Variants in TG observed in about 807,000 individuals in gnomAD.
TG encodes thyroglobulin.
In TG, 270 loss-of-function variants were observed where a neutral mutation model predicts 324.7. The ratio of observed to expected loss-of-function variants is 0.83; its 90% CI spans 0.75 to 0.92. TG has a LOEUF of 0.92. Ranked by LOEUF, TG falls within the 40% of genes least tolerant of loss-of-function variation. The probability of loss-of-function intolerance (pLI) is 0.00; values close to 1 mark genes in which losing one functional copy is unlikely to be tolerated. For missense variants in TG, 3,591 were observed against 3,456.4 expected (o/e 1.04, Z -0.98); for synonymous variants, 1,401 against 1,327.0 (o/e 1.06, Z -1.21).
intron 10 of TG, among the ~76,000 whole-genome samples, chr8:132,889,990 C>G (rs1233381213): frequency 1.3e-5 from 2 of 152,068 alleles, no homozygotes; most frequent in African/African-American, 4.8e-5. Flanking sequence ...CCATGTTGGC[C>G]AGGCTGGTCT....
At chr8:133,116,150 C>T (rs764727099) in intron 44 of TG, among the ~76,000 whole-genome samples, 2 of 152,170 alleles carry the variant, frequency 1.3e-5, no homozygotes, top group Non-Finnish European at 2.9e-5. Flanking sequence ...CTGAGGGTAC[C>T]ACATGCTTGA....
intron 32 of TG, among the ~76,000 whole-genome samples, chr8:132,970,098 T>C (rs1021623940): frequency 7.9e-5 from 12 of 152,026 alleles, no homozygotes; most frequent in Non-Finnish European, 1.2e-4. Flanking sequence ...TTAATATAAA[T>C]TATCAAGTAT....
intron 10 of TG, among the ~76,000 whole-genome samples, chr8:132,890,028 C>G (rs996849872): frequency 6.6e-6 from 1 of 152,036 alleles, no homozygotes; most frequent in African/African-American, 2.4e-5. Flanking sequence ...GTGATCCACC[C>G]GCCACAGCCT....
intron 35 of TG, among the ~76,000 whole-genome samples, chr8:132,996,403 T>G (rs1326080226): frequency 6.6e-6 from 1 of 152,210 alleles, no homozygotes; most frequent in Non-Finnish European, 1.5e-5. Context: ...CTATTGCTCC[T>G]TTATTAATTA....
chr8:133,109,179 T>A (rs1038349159), intron 43 of TG, among the ~76,000 whole-genome samples: 1 of 152,196 alleles, frequency 6.6e-6, no homozygotes, highest in African/African-American at 2.4e-5. Context: ...GAGCAAAACC[T>A]GGATTTTCTA....
chr8:132,980,399 T>C (rs1309360792), intron 34 of TG, among the ~76,000 whole-genome samples: 3 of 152,094 alleles, frequency 2.0e-5, no homozygotes, highest in African/African-American at 7.2e-5. Context: ...AGCTTCTGAG[T>C]TGGTGAACAC....
At chr8:133,019,956 G>T (rs776761259) in intron 39 of TG, among the ~76,000 whole-genome samples, 1 of 152,224 alleles carries the variant, frequency 6.6e-6, no homozygotes, top group Non-Finnish European at 1.5e-5. Flanking sequence ...TGTGGACGTG[G>T]TTTGCAGTTT....
intron 41 of TG, among the ~76,000 whole-genome samples, chr8:133,032,660 T>C (rs1836742816): frequency 6.6e-6 from 1 of 152,244 alleles, no homozygotes; most frequent in Non-Finnish European, 1.5e-5. Context: ...AGTTCTTAAA[T>C]GTGTTCTTTA....
At chr8:133,095,337 G>T in intron 42 of TG, 129 bp downstream of exon 42, 1 of 1,286,276 alleles carries the variant, frequency 7.8e-7, no homozygotes, top group South Asian at 1.2e-5. Flanking sequence ...AACTGGAGCT[G>T]GAACTCACAT....
chr8:132,881,361 TA>T (rs1814617464), intron 5 of TG, among the ~76,000 whole-genome samples: 1 of 152,212 alleles, frequency 6.6e-6, no homozygotes, highest in Non-Finnish European at 1.5e-5. Flanking sequence ...ATTTCCTTCT[TA>T]AGGATTTCCT....
At chr8:133,100,364 T>G (rs1050326629) in intron 43 of TG, among the ~76,000 whole-genome samples, 5 of 152,212 alleles carry the variant, frequency 3.3e-5, no homozygotes, top group Non-Finnish European at 5.9e-5. Context: ...TATTATGTAT[T>G]TGTCTGTTGT....
chr8:132,956,518 A>C (rs1826894705), intron 27 of TG, among the ~76,000 whole-genome samples: 1 of 152,230 alleles, frequency 6.6e-6, no homozygotes, highest in Non-Finnish European at 1.5e-5. Context: ...CTGATTCTGA[A>C]AGAATGAGTA....
rs1331595948 is a variant in TG at position 132,882,773 on chromosome 8, A to G, written c.890-41A>G. On this transcript the variant is annotated intron_variant, in intron 7 of 47. Transcript: ENST00000220616. Reference sequence around the variant, plus strand: ...AGTGCATGCTGTGAAGACACCAAGCATTGTTGACACTGTCTTCTTTACTGT... The same window carrying G: ...AGTGCATGCTGTGAAGACACCAAGCGTTGTTGACACTGTCTTCTTTACTGT... The G allele has an allele frequency of 2.5e-6, 4 of 1,613,894 alleles. No homozygotes were observed. In the African/African-American group the frequency reaches 4.0e-5, roughly 16 times the overall value.
chr8:132,951,757 C>T lies in TG; in HGVS notation c.5401+2814C>T, dbSNP rs574102809. Among the ~76,000 whole-genome samples the T allele has an allele frequency of 2.0e-5, 3 of 152,284 alleles. No homozygotes were observed. The South Asian group carries it at 6.2e-4, about 32-fold the overall frequency. On this transcript the variant is annotated intron_variant, in intron 27 of 47. Coordinates refer to ENST00000220616, the MANE Select transcript of TG (RefSeq NM_003235.5). Reference sequence around the variant, plus strand: ...GGAGGCTACCTCCAACTGAAGGCAACAGGGCACAGATATTTCCTCTTCAAA... The same window carrying T: ...GGAGGCTACCTCCAACTGAAGGCAATAGGGCACAGATATTTCCTCTTCAAA...
rs1828596271 is a variant in TG at position 132,966,562 on chromosome 8, T to G, written c.5551T>G (p.Leu1851Val). 6.2e-7 allele frequency: 1 copy of G among 1,613,976 alleles called. No individual in the cohort carries two copies. Among genetic ancestry groups the G allele is most frequent in the South Asian group, 1.1e-5 (1 of 91,084 alleles). The change falls in exon 30 of 48, where the codon TTG becomes GTG. Residue 1851 changes from leucine to valine, a missense_variant and splice_region_variant. By Grantham distance (32) the Leu-to-Val change is conservative. Coordinates refer to ENST00000220616, the MANE Select transcript of TG (RefSeq NM_003235.5). ...PRPASPTEAG[L>V]TTELFSPVDL... is the part of the protein sequence containing the mutation. ...TTGACTCCCTGCTTCTTTTTCAGGT[T>G]TGACAACAGAACTTTTCTCCCCTGT...
At chr8:133,047,290 A>T (rs1564113647) in intron 41 of TG, 1 of 153,394 alleles carries the variant, frequency 6.5e-6, no homozygotes, top group Non-Finnish European at 1.5e-5. Context: ...GAGAGGACAC[A>T]TGTGATTCTC....
At chr8:132,988,804 T>G (rs975261769) in intron 35 of TG, 10 of 985,314 alleles carry the variant, frequency 1.0e-5, no homozygotes, top group Non-Finnish European at 1.2e-5. Context: ...ACCCCTTCCC[T>G]GCTTCCCAAA....
intron 35 of TG, among the ~76,000 whole-genome samples, chr8:133,009,445 T>C (rs1053495739): frequency 1.3e-5 from 2 of 151,978 alleles, no homozygotes; most frequent in Non-Finnish European, 2.9e-5. Flanking sequence ...AGTATGGAGG[T>C]TTACCTTCCT....
chr8:132,942,663 G>A (rs1007435880), intron 26 of TG, among the ~76,000 whole-genome samples: 12 of 152,198 alleles, frequency 7.9e-5, no homozygotes, highest in African/African-American at 2.4e-4. Context: ...CGCTGCTGGC[G>A]TTCAGCAAAC....
Sources: gnomAD v4.1 joint callset for allele counts (sites outside exome capture counted in the v4.1 genomes callset) on GRCh38, gnomAD v4.1.1 for gene constraint, MANE v1.5 for transcripts, NCBI Gene and HGNC (gene_info 2026-07-23, HGNC 2026-07-21) for gene names.